SNX29: variants seen among roughly 807,000 people sequenced by gnomAD.
SNX29 encodes the protein sorting nexin-29.
A neutral mutation model predicts 102.1 loss-of-function variants in SNX29; 78 were observed. The observed-to-expected ratio is 0.76, with a 90% CI of 0.64 to 0.92. The LOEUF is 0.92. SNX29 is among the 40% of genes least tolerant of loss of function. The pLI is 0.00. For synonymous variants in SNX29, 580 were observed against 414.5 expected, an observed-to-expected ratio of 1.40 and a Z score of -4.85; for missense variants, 1,280 against 1,061.7, an observed-to-expected ratio of 1.21 and a Z score of -2.86.
intron 18 of SNX29, among the ~76,000 whole-genome samples, chr16:12,471,920 C>T (rs957284814): frequency 2.0e-5 from 3 of 152,346 alleles, no homozygotes; most frequent in East Asian, 1.9e-4. Context: ...TTCTCCTCCT[C>T]GCTTTATGAT....
intron 3 of SNX29, among the ~76,000 whole-genome samples, chr16:12,021,404 C>T (rs569513488): frequency 6.0e-5 from 9 of 150,228 alleles, no homozygotes; most frequent in Middle Eastern, 3.5e-3. Flanking sequence ...CCATTTTGGG[C>T]AACAGAGCGA....
Position 12,042,881 on chromosome 16 carries a change from T to C in SNX29, c.248-16T>C, listed in dbSNP as rs1412660295. ...CCCCAGGCCGAGTGCCAGGCGCCTG[T>C]GCCCTCTCTCCGTAGAGCCCGTGTT... On this transcript the variant is annotated splice_polypyrimidine_tract_variant and intron_variant, in intron 4 of 20. Transcript: ENST00000566228. 14 of 1,594,062 alleles carry C rather than the reference T, an allele frequency of 8.8e-6. No homozygotes were observed. Among genetic ancestry groups the C allele is most frequent in the Admixed American group, 1.7e-5 (1 of 59,170 alleles).
intron 14 of SNX29, among the ~76,000 whole-genome samples, chr16:12,229,673 C>G (rs980567402): frequency 6.6e-6 from 1 of 151,566 alleles, no homozygotes; most frequent in Non-Finnish European, 1.5e-5. Flanking sequence ...CTTCAAAGAT[C>G]TACCGTCAAA....
intron 15 of SNX29, among the ~76,000 whole-genome samples, chr16:12,305,146 A>C (rs1165244127): frequency 1.3e-5 from 2 of 152,214 alleles, no homozygotes; most frequent in African/African-American, 4.8e-5. Context: ...GGGAACTAGA[A>C]TTTCGAGTCT....
chr16:12,465,032 C>CT (rs1260117318), intron 18 of SNX29, among the ~76,000 whole-genome samples: 5 of 152,140 alleles, frequency 3.3e-5, no homozygotes, highest in African/African-American at 1.2e-4. Context: ...TACTTGTAGG[C>CT]TATGTGTGTC....
chr16:12,008,377 C>A (rs1398570238), intron 3 of SNX29, among the ~76,000 whole-genome samples: 1 of 152,218 alleles, frequency 6.6e-6, no homozygotes, highest in South Asian at 2.1e-4. Context: ...TCAAGCGATT[C>A]TCTTGCCTCG....
At chr16:12,565,590 A>G (rs2078967614) in intron 20 of SNX29, among the ~76,000 whole-genome samples, 1 of 152,058 alleles carries the variant, frequency 6.6e-6, no homozygotes, top group Non-Finnish European at 1.5e-5. Context: ...CAACCACAGC[A>G]GCCTACACTC....
intron 15 of SNX29, among the ~76,000 whole-genome samples, chr16:12,285,308 C>T (rs2079559451): frequency 6.6e-6 from 1 of 152,210 alleles, no homozygotes. Flanking sequence ...GTATCTTCTG[C>T]TTCAATATTG....
At chr16:12,136,046 T>A (rs1054378424) in intron 13 of SNX29, among the ~76,000 whole-genome samples, 3 of 152,242 alleles carry the variant, frequency 2.0e-5, no homozygotes, top group African/African-American at 7.2e-5. Flanking sequence ...AGAGTGCCGC[T>A]GCAGACTTCG....
intron 1 of SNX29, among the ~76,000 whole-genome samples, chr16:11,984,597 G>C (rs1316144037): frequency 6.6e-6 from 1 of 151,850 alleles, no homozygotes; most frequent in Non-Finnish European, 1.5e-5. Context: ...TAGAAACTTA[G>C]CCTATCTTCC....
chr16:12,414,576 A>G (rs1416730436), intron 18 of SNX29, among the ~76,000 whole-genome samples: 2 of 152,134 alleles, frequency 1.3e-5, no homozygotes, highest in Admixed American at 6.5e-5. Context: ...TCCTTTTCCA[A>G]GTTCCCTGGT....
intron 13 of SNX29, among the ~76,000 whole-genome samples, chr16:12,140,466 G>C (rs949931498): frequency 6.6e-6 from 1 of 152,222 alleles, no homozygotes; most frequent in African/African-American, 2.4e-5. Context: ...CCGTGGAGCA[G>C]GAACAAGGAT....
At chr16:12,319,881 G>A (rs868719998) in intron 15 of SNX29, among the ~76,000 whole-genome samples, 2 of 152,174 alleles carry the variant, frequency 1.3e-5, no homozygotes, top group African/African-American at 2.4e-5. Flanking sequence ...GGCAAGAACT[G>A]CTCGGGCTCA....
At position 12,188,359 on chromosome 16, in the gene SNX29, T is replaced by G. The variant is rs2076563895; in HGVS notation, c.1596-11242T>G. Among the ~76,000 whole-genome samples, 3 of 152,310 alleles carry G rather than the reference T, an allele frequency of 2.0e-5. No homozygotes were observed. The South Asian group carries it at 6.2e-4, about 32-fold the overall frequency. ...AGGTCATACAGAGGTAGAGCAAGCA[T>G]TCCCGTCAGGGCTGTCTGACCTGAA... On this transcript the variant is annotated intron_variant, in intron 13 of 20. Transcript: ENST00000566228.
chr16:11,979,444 A>T, intron 1 of SNX29, among the ~76,000 whole-genome samples: 1 of 152,190 alleles, frequency 6.6e-6, no homozygotes. Flanking sequence ...GTCCAACGAT[A>T]TATTTTGTTT....
intron 20 of SNX29, among the ~76,000 whole-genome samples, chr16:12,564,417 G>A (rs561352127): frequency 1.3e-5 from 2 of 152,278 alleles, no homozygotes; most frequent in South Asian, 4.1e-4. Context: ...TGTATGATTG[G>A]CACTATTATC....
intron 15 of SNX29, among the ~76,000 whole-genome samples, chr16:12,326,165 C>T (rs1003958110): frequency 6.6e-5 from 10 of 151,820 alleles, no homozygotes; most frequent in African/African-American, 1.5e-4. Flanking sequence ...CGTGCCACCA[C>T]GTCTGGCTAA....
At chr16:12,077,641 A>G (rs2051644175) in intron 10 of SNX29, among the ~76,000 whole-genome samples, 1 of 152,004 alleles carries the variant, frequency 6.6e-6, no homozygotes, top group Non-Finnish European at 1.5e-5. Context: ...TGTTTTTGAG[A>G]TGAACTGTTG....
At chr16:12,247,373 C>A (rs1228671279) in intron 14 of SNX29, among the ~76,000 whole-genome samples, 1 of 152,222 alleles carries the variant, frequency 6.6e-6, no homozygotes, top group South Asian at 2.1e-4. Flanking sequence ...AGCCTTTCTT[C>A]CTTTACTTAA....
Sources: gnomAD v4.1 joint callset for allele counts (sites outside exome capture counted in the v4.1 genomes callset) on GRCh38, gnomAD v4.1.1 for gene constraint, MANE v1.5 for transcripts, NCBI Gene and HGNC (gene_info 2026-07-23, HGNC 2026-07-21) for gene names.